The following EML1 variants were observed in gnomAD, a reference collection of about 807,000 sequenced individuals.
EML1 encodes the protein EMAP like 1.
In EML1, 27 loss-of-function variants were observed where a neutral mutation model predicts 110.4. The ratio of observed to expected loss-of-function variants is 0.24; its 90% CI spans 0.18 to 0.34. The LOEUF (loss-of-function observed/expected upper bound fraction) is 0.34. Among genes scored for constraint, EML1 ranks in the 10% least tolerant of loss-of-function variants. EML1 has a pLI of 1.00. For synonymous variants in EML1, 344 were observed against 385.8 expected (o/e 0.89, Z 1.27); for missense variants, 741 against 1,030.9 (o/e 0.72, Z 3.85).
intron 6 of EML1, among the ~76,000 whole-genome samples, chr14:99,895,920 CCAAAAATCTAGGCCA>C (rs796545662): frequency 2.6e-5 from 4 of 152,060 alleles, no homozygotes; most frequent in African/African-American, 9.6e-5. Flanking sequence ...AAAAGGCTCC[CCAAAAATCTAGGCCA>C]CAAAAATCTG....
chr14:99,808,301 T>C (rs1452904872), intron 1 of EML1, among the ~76,000 whole-genome samples: 2 of 152,230 alleles, frequency 1.3e-5, no homozygotes, highest in Non-Finnish European at 2.9e-5. Flanking sequence ...TACATTCTTG[T>C]TGAATGAAAA....
In EML1 at chr14:99,939,863, TGA is replaced by T; in HGVS notation, c.2323-120_2323-119del. 1 of 1,262,816 alleles carries T rather than the reference TGA, an allele frequency of 7.9e-7. No homozygotes were observed. Among genetic ancestry groups the T allele is most frequent in the Non-Finnish European group, 1.1e-6 (1 of 942,390 alleles). The allele number at this position is 1,262,816 out of a possible 1,614,324, so 78.2% of individuals were successfully genotyped here. ...GTCACACACAGAGCAGGTTCCCAAG[TGA>T]GAGCTGCCGAGCGGAGGGCGAGTAA... is the stretch of plus-strand genomic sequence containing the variant. On this transcript the variant is annotated intron_variant, in intron 21 of 21. Coordinates refer to ENST00000262233, the MANE Select transcript of EML1 (RefSeq NM_004434.3). This position sits in a 1 kb window ranked among gnomAD's most constrained non-coding sequence, Gnocchi z 4.2.
intron 2 of EML1, among the ~76,000 whole-genome samples, chr14:99,858,195 T>C (rs1203102497): frequency 6.7e-6 from 1 of 148,662 alleles, no homozygotes; most frequent in Non-Finnish European, 1.5e-5. Flanking sequence ...CTTTTTTTTT[T>C]TTTTTTAGGC....
intron 9 of EML1, chr14:99,907,301 A>AAAT (rs1821020692): frequency 4.4e-6 from 1 of 229,656 alleles, no homozygotes; most frequent in Admixed American, 5.3e-5. Context: ...CCATCTCTAC[A>AAAT]AATAATAATA....
At chr14:99,909,852 T>TC (rs1398042994) in intron 11 of EML1, among the ~76,000 whole-genome samples, 3 of 152,098 alleles carry the variant, frequency 2.0e-5, no homozygotes. Flanking sequence ...CAGCACCTTT[T>TC]CCCGGGGGTC....
At chr14:99,918,064 C>A (rs191534572) in intron 16 of EML1, among the ~76,000 whole-genome samples, 1 of 152,176 alleles carries the variant, frequency 6.6e-6, no homozygotes, top group Non-Finnish European at 1.5e-5. Context: ...GACCCTCTCT[C>A]CTGGAAAAGG....
chr14:99,935,456 C>A (rs1483855226), intron 17 of EML1, among the ~76,000 whole-genome samples: 1 of 150,958 alleles, frequency 6.6e-6, no homozygotes, highest in Non-Finnish European at 1.5e-5. Context: ...CAAAGCAAAA[C>A]CCTGTCTCAA....
intron 16 of EML1, among the ~76,000 whole-genome samples, chr14:99,918,936 C>T (rs980133914): frequency 6.6e-6 from 1 of 152,196 alleles, no homozygotes; most frequent in Non-Finnish European, 1.5e-5. Context: ...CTGGCACCTC[C>T]TACACACCGG....
At chr14:99,826,105 A>ATTTTTTTTT (rs71113225) in intron 1 of EML1, among the ~76,000 whole-genome samples, 9 of 79,970 alleles carry the variant, frequency 1.1e-4, no homozygotes, top group East Asian at 4.2e-4. Context: ...CTGTGCATTG[A>ATTTTTTTTT]TTTTTTTTTT....
chr14:99,936,845 C>T lies in EML1; in HGVS notation c.2095+511C>T, dbSNP rs551127534. 1.1e-4 allele frequency among the ~76,000 whole-genome samples: 17 copies of T among 152,288 alleles called. No homozygotes were observed. Among genetic ancestry groups the T allele is most frequent in the African/African-American group, 3.4e-4 (14 of 41,572 alleles). On this transcript the variant is annotated intron_variant, in intron 19 of 21. Transcript: ENST00000262233. This position sits in a 1 kb window ranked among gnomAD's most constrained non-coding sequence, Gnocchi z 5.5. ...TTGGGAACAGCGAGGATGATCGTGG[C>T]GGGCACTTACAAGCACATCCTCATG...
At chr14:99,844,775 A>G (rs981427617) in intron 1 of EML1, among the ~76,000 whole-genome samples, 2 of 152,240 alleles carry the variant, frequency 1.3e-5, no homozygotes, top group African/African-American at 4.8e-5. Context: ...GGAATAGTAC[A>G]GGATGTAACC....
chr14:99,835,406 G>C (rs962348366), intron 1 of EML1, among the ~76,000 whole-genome samples: 1 of 151,884 alleles, frequency 6.6e-6, no homozygotes, highest in Non-Finnish European at 1.5e-5. Context: ...TATTTTCTCA[G>C]TGAACTAGCT....
At chr14:99,815,751 A>T (rs1186449230) in intron 1 of EML1, among the ~76,000 whole-genome samples, 1 of 152,164 alleles carries the variant, frequency 6.6e-6, no homozygotes, top group East Asian at 1.9e-4. Context: ...TTTGTGAGCT[A>T]AGGGGATTTT....
chr14:99,798,206 A>G (rs186156394), intron 1 of EML1, among the ~76,000 whole-genome samples: 3 of 152,268 alleles, frequency 2.0e-5, no homozygotes, highest in Admixed American at 2.0e-4. Flanking sequence ...GTTCTTTCTC[A>G]CATCTTCTAG....
At chr14:99,874,108 T>C (rs1219751501) in intron 3 of EML1, among the ~76,000 whole-genome samples, 1 of 152,232 alleles carries the variant, frequency 6.6e-6, no homozygotes, top group African/African-American at 2.4e-5. Context: ...AAAGAAAACC[T>C]AATTGTAGCT....
Position 99,865,360 on chromosome 14 carries a change from C to T in EML1, c.251-154C>T, listed in dbSNP as rs76678442. Among the ~76,000 whole-genome samples, 378 of 152,282 alleles carry T rather than the reference C, an allele frequency of 2.5e-3. 4 individuals carry two copies. The highest frequency in any genetic ancestry group is 8.4e-3 in the African/African-American group (351 of 41,554). ...GGTAACATGAGTGATGGGTAGCAAC[C>T]GTAAATAGAGATGAAGAGTTGCTCA... On this transcript the variant is annotated intron_variant, in intron 2 of 21. Coordinates refer to ENST00000262233, the MANE Select transcript of EML1 (RefSeq NM_004434.3).
chr14:99,809,514 GCCCTGGTCGGCA>G (rs1566876143), intron 1 of EML1: 1 of 389,668 alleles, frequency 2.6e-6, no homozygotes, highest in African/African-American at 2.1e-5. Context: ...TTGGACAGGC[GCCCTGGTCGGCA>G]CCCTGGGAAC....
chr14:99,882,649 TAAAAAAAAAAAA>T (rs199622855), intron 4 of EML1, among the ~76,000 whole-genome samples: 2 of 127,766 alleles, frequency 1.6e-5, no homozygotes, highest in East Asian at 4.1e-4. Context: ...GCTGATGAGC[TAAAAAAAAAAAA>T]AAAAAAAAAA....
intron 1 of EML1, among the ~76,000 whole-genome samples, chr14:99,823,093 C>T (rs2058291779): frequency 6.6e-6 from 1 of 152,174 alleles, no homozygotes. Context: ...CCCCTGTGCC[C>T]TTCTGGTTTG....
Sources: allele counts gnomAD v4.1 joint callset (sites outside exome capture counted in the v4.1 genomes callset), GRCh38; gene constraint gnomAD v4.1.1; non-coding constraint Gnocchi (gnomAD v3.1); transcripts MANE v1.5; gene names NCBI Gene and HGNC (gene_info 2026-07-23, HGNC 2026-07-21).